Variants in AFG2A observed in about 807,000 individuals in gnomAD.
The protein encoded by AFG2A is ATPase family gene 2 protein homolog A.
the AFG2A span, among the ~76,000 whole-genome samples, chr4:123,280,016 T>C: frequency 6.6e-6 from 1 of 152,210 alleles, no homozygotes. Flanking sequence ...CCATACATAT[T>C]GCAGAGGACA....
chr4:123,160,287 A>C, the AFG2A span, among the ~76,000 whole-genome samples: 1 of 152,206 alleles, frequency 6.6e-6, no homozygotes, highest in Non-Finnish European at 1.5e-5. Flanking sequence ...GGTGGAGTAC[A>C]GACCTGCCCG....
chr4:123,208,750 A>G, the AFG2A span, among the ~76,000 whole-genome samples: 1 of 152,226 alleles, frequency 6.6e-6, no homozygotes. Context: ...TTCTTATCCA[A>G]CAACATTAAG....
chr4:123,040,287 C>T, the AFG2A span, among the ~76,000 whole-genome samples: 1 of 151,996 alleles, frequency 6.6e-6, no homozygotes, highest in Non-Finnish European at 1.5e-5. Flanking sequence ...ATGTCATTGA[C>T]ATTTTTGATG....
At chr4:123,116,781 G>T in the AFG2A span, among the ~76,000 whole-genome samples, 2 of 152,142 alleles carry the variant, frequency 1.3e-5, no homozygotes, top group African/African-American at 2.4e-5. Flanking sequence ...AAATGTTCAT[G>T]GAGACAATAT....
chr4:123,266,381 G>A, the AFG2A span, among the ~76,000 whole-genome samples: 5 of 151,880 alleles, frequency 3.3e-5, no homozygotes, highest in Non-Finnish European at 2.9e-5. Context: ...GCTTATCCTA[G>A]TAAGCATATA....
the AFG2A span, among the ~76,000 whole-genome samples, chr4:123,215,467 G>GGTCC: frequency 6.6e-6 from 1 of 152,048 alleles, no homozygotes; most frequent in East Asian, 1.9e-4. Flanking sequence ...TAGATGTCAT[G>GGTCC]GTCCAGTCCC....
the AFG2A span, among the ~76,000 whole-genome samples, chr4:123,017,832 G>A: frequency 6.6e-6 from 1 of 152,038 alleles, no homozygotes; most frequent in Non-Finnish European, 1.5e-5. Context: ...ATAATACTTT[G>A]AAAAGAATTT....
chr4:123,046,953 G>A, the AFG2A span, among the ~76,000 whole-genome samples: 1 of 152,098 alleles, frequency 6.6e-6, no homozygotes, highest in Admixed American at 6.6e-5. Flanking sequence ...TATCTGCGTT[G>A]CTGCAGATGA....
the AFG2A span, among the ~76,000 whole-genome samples, chr4:123,057,461 G>A: frequency 1.1e-4 from 16 of 152,040 alleles, no homozygotes; most frequent in Non-Finnish European, 2.2e-4. Context: ...ATTATTTCAT[G>A]TAATTACTGT....
the AFG2A span, among the ~76,000 whole-genome samples, chr4:123,180,978 CTTTT>C: frequency 8.4e-6 from 1 of 118,362 alleles, no homozygotes; most frequent in Admixed American, 9.9e-5. Context: ...TCCTCCCCCT[CTTTT>C]TTTTTTTTTT....
At chr4:123,161,901 A>G in the AFG2A span, among the ~76,000 whole-genome samples, 1 of 152,208 alleles carries the variant, frequency 6.6e-6, no homozygotes, top group Non-Finnish European at 1.5e-5. Flanking sequence ...GTCCATTTAC[A>G]TTTGATCATA....
At chr4:123,123,783 T>TAA in the AFG2A span, among the ~76,000 whole-genome samples, 1 of 142,980 alleles carries the variant, frequency 7.0e-6, no homozygotes, top group African/African-American at 2.6e-5. Context: ...CCGTCTCTAC[T>TAA]AAAAAAAAAA....
the AFG2A span, among the ~76,000 whole-genome samples, chr4:122,990,635 G>A: frequency 6.6e-6 from 1 of 152,234 alleles, no homozygotes; most frequent in Non-Finnish European, 1.5e-5. Flanking sequence ...CCATGCTGGA[G>A]TGCAATGGTG....
At chr4:123,306,140 C>CT in the AFG2A span, among the ~76,000 whole-genome samples, 2 of 152,144 alleles carry the variant, frequency 1.3e-5, no homozygotes, top group African/African-American at 4.8e-5. Flanking sequence ...GCTTTCATTG[C>CT]TTTTTTCCCC....
chr4:123,295,629 G>A, the AFG2A span, among the ~76,000 whole-genome samples: 11 of 152,364 alleles, frequency 7.2e-5, no homozygotes, highest in East Asian at 5.8e-4. Context: ...AGGCCAAGGC[G>A]GGCAGATCAT....
At chr4:123,022,183 A>G in the AFG2A span, among the ~76,000 whole-genome samples, 2 of 152,062 alleles carry the variant, frequency 1.3e-5, no homozygotes, top group African/African-American at 4.8e-5. Flanking sequence ...CAAAATTGAC[A>G]AATGGGATCT....
chr4:123,114,912 G>T, the AFG2A span, among the ~76,000 whole-genome samples: 1 of 152,240 alleles, frequency 6.6e-6, no homozygotes, highest in Non-Finnish European at 1.5e-5. Context: ...CTTTGGCCAG[G>T]TGCTTGTGGG....
At chr4:123,004,135 G>A in the AFG2A span, among the ~76,000 whole-genome samples, 1 of 152,326 alleles carries the variant, frequency 6.6e-6, no homozygotes, top group Non-Finnish European at 1.5e-5. Context: ...TAATCTCCTG[G>A]TGCGCCGTTT....
chr4:123,243,228 C>A, the AFG2A span, among the ~76,000 whole-genome samples: 1 of 152,086 alleles, frequency 6.6e-6, no homozygotes, highest in Non-Finnish European at 1.5e-5. Context: ...ACCATTTGAC[C>A]CAGCCATCCC....
Sources: allele counts gnomAD v4.1 joint callset (sites outside exome capture counted in the v4.1 genomes callset), GRCh38; gene constraint gnomAD v4.1.1; transcripts MANE v1.5; gene names NCBI Gene and HGNC (gene_info 2026-07-23, HGNC 2026-07-21).